Variants in CDH6 observed in about 807,000 individuals in gnomAD.
CDH6 encodes the protein cadherin-6.
CDH6 carries 31 observed loss-of-function variants against 78.0 expected under a neutral mutation model. The ratio of observed to expected loss-of-function variants is 0.40; its 90% CI spans 0.30 to 0.54. The LOEUF (loss-of-function observed/expected upper bound fraction) is 0.54, where lower values mean the gene tolerates loss of function less well. CDH6 is among the 20% of genes least tolerant of loss of function. The probability of loss-of-function intolerance (pLI) is 0.56; values close to 1 mark genes in which losing one functional copy is unlikely to be tolerated. For synonymous variants in CDH6, 376 were observed against 368.8 expected, an observed-to-expected ratio of 1.02 and a Z score of -0.23; for missense variants, 724 against 975.9, an observed-to-expected ratio of 0.74 and a Z score of 3.44.
rs186776781 is a variant in CDH6 at position 31,296,266 on chromosome 5, C to T, written c.524-1023C>T. 2.1e-3 allele frequency among the ~76,000 whole-genome samples: 326 copies of T among 152,160 alleles called. 3 individuals are homozygous for T. Among genetic ancestry groups the T allele is most frequent in the Admixed American group, 1.0e-2 (152 of 15,274 alleles). On this transcript the variant is annotated intron_variant, in intron 3 of 11. Coordinates refer to ENST00000265071, the MANE Select transcript of CDH6 (RefSeq NM_004932.4). ...AAACAGCCATTAAGTGATCTTAATC[C>T]GAGACTCTTATCCTTTCGGGAAGTC...
intron 1 of CDH6, among the ~76,000 whole-genome samples, chr5:31,238,070 G>T (rs556154553): frequency 1.3e-5 from 2 of 152,298 alleles, no homozygotes; most frequent in South Asian, 2.1e-4. Flanking sequence ...AAGAAGAAAA[G>T]ACATTCTCTG....
intron 2 of CDH6, among the ~76,000 whole-genome samples, chr5:31,282,625 A>G (rs1742892402): frequency 1.3e-5 from 2 of 152,194 alleles, no homozygotes; most frequent in African/African-American, 4.8e-5. Context: ...GAATTAGGAC[A>G]TGGACATCTT....
chr5:31,210,283 G>A (rs1474752780), intron 1 of CDH6, among the ~76,000 whole-genome samples: 2 of 152,132 alleles, frequency 1.3e-5, no homozygotes, highest in Admixed American at 1.3e-4. Flanking sequence ...GGGAGGCCGA[G>A]GTGGGTGGAT....
chr5:31,304,183 C>CAA (rs113557018), intron 6 of CDH6, among the ~76,000 whole-genome samples: 4 of 145,438 alleles, frequency 2.8e-5, no homozygotes, highest in African/African-American at 1.0e-4. Flanking sequence ...ACAACAACAA[C>CAA]AAAAAAAAAA....
intron 1 of CDH6, among the ~76,000 whole-genome samples, chr5:31,198,273 C>T (rs1195525827): frequency 6.6e-6 from 1 of 152,154 alleles, no homozygotes; most frequent in East Asian, 1.9e-4. Flanking sequence ...TGTTTAATAT[C>T]TTTACACTAA....
rs900140661 is a variant in CDH6, at chr5:31,284,975, C to T, written c.229-8987C>T. On this transcript the variant is annotated intron_variant, in intron 2 of 11. Coordinates refer to ENST00000265071, the MANE Select transcript of CDH6 (RefSeq NM_004932.4). ...AGACTGGGATTTATCCTAAAGAGACCGTATTACTGAATCAGGAAGATTTTA... is the reference window on the plus strand; with the variant it reads ...AGACTGGGATTTATCCTAAAGAGACTGTATTACTGAATCAGGAAGATTTTA... 2.0e-5 allele frequency among the ~76,000 whole-genome samples: 3 copies of T among 152,116 alleles called. No homozygotes were observed. The East Asian group carries it at 5.8e-4, about 29-fold the overall frequency.
At chr5:31,244,721 G>A (rs559864666) in intron 1 of CDH6, among the ~76,000 whole-genome samples, 46 of 152,290 alleles carry the variant, frequency 3.0e-4, no homozygotes, top group African/African-American at 9.4e-4. Context: ...GGGCTGCCTC[G>A]AGGAACAAGG....
At chr5:31,214,054 C>T (rs935663868) in intron 1 of CDH6, among the ~76,000 whole-genome samples, 1 of 150,598 alleles carries the variant, frequency 6.6e-6, no homozygotes, top group Non-Finnish European at 1.5e-5. Flanking sequence ...AACGTCACAA[C>T]TGGGGAGGGC....
chr5:31,298,172 T>A (rs560450247), intron 4 of CDH6, among the ~76,000 whole-genome samples: 1 of 152,262 alleles, frequency 6.6e-6, no homozygotes, highest in Admixed American at 6.5e-5. Context: ...ACCTATCTTA[T>A]AATGATTTGT....
chr5:31,315,096 C>G (rs1226066680), intron 8 of CDH6, among the ~76,000 whole-genome samples: 1 of 152,178 alleles, frequency 6.6e-6, no homozygotes, highest in Non-Finnish European at 1.5e-5. Context: ...CTTAAACCTT[C>G]TCTTCATTCA....
At chr5:31,300,766 G>A (rs1203868832) in intron 5 of CDH6, among the ~76,000 whole-genome samples, 1 of 152,172 alleles carries the variant, frequency 6.6e-6, no homozygotes, top group Non-Finnish European at 1.5e-5. Context: ...ATATGCCAAG[G>A]CAAGGGAGGG....
chr5:31,295,618 T>C (rs1466400826), intron 3 of CDH6, among the ~76,000 whole-genome samples: 1 of 152,322 alleles, frequency 6.6e-6, no homozygotes, highest in East Asian at 1.9e-4. Context: ...ATTGTGATTA[T>C]AGAAAGGCAT....
chr5:31,234,505 C>T (rs943547639), intron 1 of CDH6, among the ~76,000 whole-genome samples: 1 of 152,108 alleles, frequency 6.6e-6, no homozygotes, highest in Admixed American at 6.5e-5. Context: ...ATGCCATTTT[C>T]CTCATACTTG....
At chr5:31,233,465 A>T (rs1741370830) in intron 1 of CDH6, among the ~76,000 whole-genome samples, 1 of 151,738 alleles carries the variant, frequency 6.6e-6, no homozygotes, top group African/African-American at 2.4e-5. Flanking sequence ...CCATGAGCCA[A>T]GATCATGCCA....
chr5:31,317,905 G>A lies in CDH6; in HGVS notation c.1863G>A (p.Leu621=). The change falls in exon 11 of 12, where the codon CTG becomes CTA. Residue 621 remains leucine (L), a synonymous_variant. Coordinates refer to ENST00000265071, the MANE Select transcript of CDH6 (RefSeq NM_004932.4). The part of the protein sequence containing the change: ...LSTGALVAIL[L]CIVILLVTVV... ...CGGGGGCTCTGGTTGCCATCCTTCT[G>A]TGCATCGTGATCCTACTAGGTAAAC... 1 of 1,613,496 alleles carries A rather than the reference G, an allele frequency of 6.2e-7. No individual in the cohort carries two copies. The highest frequency in any genetic ancestry group is 1.7e-5 in the Admixed American group (1 of 60,022).
intron 4 of CDH6, 150 bp downstream of exon 4, chr5:31,297,558 T>C: frequency 1.7e-6 from 1 of 592,298 alleles, no homozygotes; most frequent in South Asian, 2.5e-5. Context: ...AAACATGACA[T>C]CTGAATAATT....
At chr5:31,307,126 T>C (rs1738013488) in intron 7 of CDH6, among the ~76,000 whole-genome samples, 1 of 152,106 alleles carries the variant, frequency 6.6e-6, no homozygotes, top group South Asian at 2.1e-4. Flanking sequence ...ATGAGGAGTG[T>C]AGCAGGTCCT....
chr5:31,314,542 A>G (rs867987), intron 8 of CDH6, among the ~76,000 whole-genome samples: 40,124 of 151,670 alleles, frequency 0.26, 6,552 homozygotes, highest in Non-Finnish European at 0.35. Flanking sequence ...ATAGTAACCA[A>G]TATGGGCAAA....
In CDH6 at chr5:31,267,561, G is replaced by A. The variant is rs1226816239; in HGVS notation, c.88G>A (p.Gly30Ser). 1.2e-6 allele frequency: 2 copies of A among 1,613,926 alleles called. No homozygotes were observed. The highest frequency in any genetic ancestry group is 1.3e-5 in the African/African-American group (1 of 74,882). ...AACTCCACTATCAAAGAGGACTAGT[G>A]GTTTCCCAGCAAAGAAAAGGGCCCT... ...LSTPLSKRTSGFPAKKRALEL... is the reference protein window; with the variant it reads ...LSTPLSKRTSSFPAKKRALEL... The change falls in exon 2 of 12, where the codon GGT becomes AGT. Residue 30 changes from glycine (G) to serine (S), a missense_variant. Gly to Ser is a moderately conservative substitution (Grantham distance 56, BLOSUM62 0). Transcript: ENST00000265071.
Sources: gnomAD v4.1 joint callset for allele counts (sites outside exome capture counted in the v4.1 genomes callset) on GRCh38, gnomAD v4.1.1 for gene constraint, MANE v1.5 for transcripts, NCBI Gene and HGNC (gene_info 2026-07-23, HGNC 2026-07-21) for gene names.